SH3PXD2A: variants seen among roughly 807,000 people sequenced by gnomAD.
SH3PXD2A encodes the protein SH3 and PX domain-containing protein 2A.
A neutral mutation model predicts 115.2 loss-of-function variants in SH3PXD2A; 32 were observed. That is an observed-to-expected ratio of 0.28 (90% CI 0.21 to 0.37). The LOEUF is 0.37. SH3PXD2A is among the 10% of genes least tolerant of loss of function. The pLI is 1.00. For missense variants in SH3PXD2A, 1,328 were observed against 1,498.7 expected, an observed-to-expected ratio of 0.89 and a Z score of 1.88; for synonymous variants, 610 against 629.1, an observed-to-expected ratio of 0.97 and a Z score of 0.45.
Position 103,742,953 on chromosome 10 carries a change from C to G in SH3PXD2A, c.230-7145G>C, listed in dbSNP as rs189899822. Among the ~76,000 whole-genome samples the G allele has an allele frequency of 1.6e-4, 25 of 152,212 alleles. No individual in the cohort carries two copies. The East Asian group carries it at 2.3e-3, about 14-fold the overall frequency. On this transcript the variant is annotated intron_variant, in intron 3 of 14. Coordinates refer to ENST00000369774, the MANE Select transcript of SH3PXD2A (RefSeq NM_001394015.1). ...ATTCCTAGAGGGAACCTCCCTCCCC[C>G]CCTCAAGGGTGACACGCATGCTCGT...
At chr10:103,720,256 C>T (rs963078139) in intron 5 of SH3PXD2A, among the ~76,000 whole-genome samples, 8 of 152,224 alleles carry the variant, frequency 5.3e-5, no homozygotes, top group South Asian at 4.1e-4. Flanking sequence ...ATTATCCTTC[C>T]GTGTGAGGAG....
At chr10:103,659,035 G>A (rs2037252437) in intron 8 of SH3PXD2A, among the ~76,000 whole-genome samples, 1 of 152,220 alleles carries the variant, frequency 6.6e-6, no homozygotes, top group South Asian at 2.1e-4. Context: ...GAGCTGGGGT[G>A]CCTGGGCCAC....
rs113868598 is a variant in SH3PXD2A at position 103,733,850 on chromosome 10, T to C, written c.306+1882A>G. Among the ~76,000 whole-genome samples the C allele has an allele frequency of 5.7e-3, 872 of 152,294 alleles. 16 individuals are homozygous for C. Among genetic ancestry groups the C allele is most frequent in the African/African-American group, 0.02 (820 of 41,568 alleles). The stretch of plus-strand genomic sequence containing the variant: ...GCTGTGGCGTGATCATAGCTCACTG[T>C]AGCCTTGACCTCCTGACTCAAGCAG... On this transcript the variant is annotated intron_variant, in intron 4 of 14. Coordinates refer to ENST00000369774, the MANE Select transcript of SH3PXD2A (RefSeq NM_001394015.1).
chr10:103,718,547 C>T (rs547448223), intron 5 of SH3PXD2A, among the ~76,000 whole-genome samples: 4 of 152,208 alleles, frequency 2.6e-5, no homozygotes, highest in South Asian at 2.1e-4. Flanking sequence ...GCCTGCCTCC[C>T]CACTTGGCTG....
intron 4 of SH3PXD2A, among the ~76,000 whole-genome samples, chr10:103,731,470 T>A (rs1050791707): frequency 1.3e-5 from 2 of 152,046 alleles, no homozygotes; most frequent in African/African-American, 4.8e-5. Flanking sequence ...CCTCTGAAGG[T>A]CTTTAAGGAG....
intron 6 of SH3PXD2A, among the ~76,000 whole-genome samples, chr10:103,683,959 T>C (rs2037643844): frequency 1.3e-5 from 2 of 152,180 alleles, no homozygotes; most frequent in Non-Finnish European, 2.9e-5. Context: ...CAACAAACTA[T>C]TAAGAGAAGT....
At chr10:103,645,302 A>G (rs2037019929) in intron 8 of SH3PXD2A, among the ~76,000 whole-genome samples, 1 of 152,144 alleles carries the variant, frequency 6.6e-6, no homozygotes, top group Non-Finnish European at 1.5e-5. Flanking sequence ...CGGCCCCCGC[A>G]ACTTCTGCTC....
At chr10:103,727,442 G>T (rs138103578) in intron 4 of SH3PXD2A, among the ~76,000 whole-genome samples, 1 of 152,278 alleles carries the variant, frequency 6.6e-6, no homozygotes, top group East Asian at 1.9e-4. Context: ...TGCCAATGGG[G>T]TCGGGATGGG....
chr10:103,814,421 A>C (rs1390545978), intron 1 of SH3PXD2A, among the ~76,000 whole-genome samples: 2 of 152,218 alleles, frequency 1.3e-5, no homozygotes, highest in Non-Finnish European at 2.9e-5. Flanking sequence ...TCAAAATGTG[A>C]AGTTCAACTC....
At chr10:103,827,103 TA>T (rs1178296258) in intron 1 of SH3PXD2A, among the ~76,000 whole-genome samples, 1 of 151,900 alleles carries the variant, frequency 6.6e-6, no homozygotes, top group Non-Finnish European at 1.5e-5. Flanking sequence ...CCACATTGAA[TA>T]AATCAGCCAG....
Position 103,746,092 on chromosome 10 carries a change from G to A in SH3PXD2A, c.230-10284C>T, listed in dbSNP as rs1027531469. 6.6e-6 allele frequency: 1 copy of A among 152,326 alleles called. No homozygotes were observed. Among genetic ancestry groups the A allele is most frequent in the African/African-American group, 2.4e-5 (1 of 41,582 alleles). The allele number at this position is 152,326 out of a possible 1,614,324, so 9.4% of individuals were successfully genotyped here. ...AGAACGATCTCCCAAATTCTGGTTC[G>A]GAGGTTCCCATACCCAGTAAGCAGA... is the stretch of plus-strand genomic sequence containing the variant. On this transcript the variant is annotated intron_variant, in intron 3 of 14. Transcript: ENST00000369774. This position sits in a 1 kb window ranked among gnomAD's most constrained non-coding sequence, Gnocchi z 4.4.
chr10:103,632,846 T>C (rs1360502479), intron 8 of SH3PXD2A, among the ~76,000 whole-genome samples: 2 of 31,354 alleles, frequency 6.4e-5, no homozygotes, highest in Non-Finnish European at 9.9e-5. Flanking sequence ...TGGTGATGTG[T>C]GCCTGTAGTC....
At chr10:103,678,395 G>C (rs991939050) in intron 6 of SH3PXD2A, among the ~76,000 whole-genome samples, 18 of 152,376 alleles carry the variant, frequency 1.2e-4, no homozygotes, top group African/African-American at 4.1e-4. Context: ...GGCTGCAGCT[G>C]AGAGGGCCTG....
chr10:103,716,671 A>G (rs2038108824), intron 5 of SH3PXD2A, among the ~76,000 whole-genome samples: 1 of 152,106 alleles, frequency 6.6e-6, no homozygotes, highest in Admixed American at 6.5e-5. Flanking sequence ...GTGGGCTGGT[A>G]AGAGGCCCAA....
At chr10:103,660,690 G>C (rs1259251037) in intron 8 of SH3PXD2A, among the ~76,000 whole-genome samples, 3 of 152,256 alleles carry the variant, frequency 2.0e-5, no homozygotes, top group African/African-American at 7.2e-5. Flanking sequence ...GGGCCTCCGA[G>C]GGCACGGGGA....
chr10:103,714,512 G>C (rs1366184438), intron 5 of SH3PXD2A, among the ~76,000 whole-genome samples: 1 of 152,162 alleles, frequency 6.6e-6, no homozygotes, highest in Non-Finnish European at 1.5e-5. Flanking sequence ...CCAGCTCGCC[G>C]ACCCAGCATG....
rs2036190460 is a variant in SH3PXD2A, at chr10:103,599,842, TAAACAAACTCACA to T, written c.*1961_*1973del. 1 of 152,684 alleles carries T rather than the reference TAAACAAACTCACA, an allele frequency of 6.5e-6. No individual in the cohort carries two copies. The highest frequency in any genetic ancestry group is 1.5e-5 in the Non-Finnish European group (1 of 68,054). The allele number at this position is 152,684 out of a possible 1,614,324, so 9.5% of individuals were successfully genotyped here. ...AGAAGAAAATAACTAATTTCAATTT[TAAACAAACTCACA>T]AAACAAAAGGAAACAAAACAATCTC... On this transcript the variant is annotated 3_prime_UTR_variant, in exon 15 of 15. Transcript: ENST00000369774.
At chr10:103,843,027 G>A (rs1438678999) in intron 1 of SH3PXD2A, among the ~76,000 whole-genome samples, 1 of 152,214 alleles carries the variant, frequency 6.6e-6, no homozygotes, top group African/African-American at 2.4e-5. Context: ...GGAGATGGCA[G>A]AAACTGAGCA....
chr10:103,718,562 G>C (rs927980496), intron 5 of SH3PXD2A, among the ~76,000 whole-genome samples: 1 of 152,216 alleles, frequency 6.6e-6, no homozygotes, highest in South Asian at 2.1e-4. Flanking sequence ...TGGCTGCATG[G>C]CCTGGGGAAG....
Sources: allele counts gnomAD v4.1 joint callset (sites outside exome capture counted in the v4.1 genomes callset), GRCh38; gene constraint gnomAD v4.1.1; non-coding constraint Gnocchi (gnomAD v3.1); transcripts MANE v1.5; gene names NCBI Gene and HGNC (gene_info 2026-07-23, HGNC 2026-07-21).